ALMS1: variants seen among roughly 807,000 people sequenced by gnomAD.
The protein encoded by ALMS1 is centrosome-associated protein ALMS1.
A neutral mutation model predicts 352.2 loss-of-function variants in ALMS1; 271 were observed. The observed-to-expected ratio is 0.77, with a 90% confidence interval of 0.70 to 0.85. ALMS1 has a LOEUF of 0.85. Among genes scored for constraint, ALMS1 ranks in the 40% least tolerant of loss-of-function variants. ALMS1 has a pLI of 0.00. For synonymous variants in ALMS1, 1,865 were observed against 1,761.2 expected (o/e 1.06, Z -1.48); for missense variants, 5,445 against 4,870.7 (o/e 1.12, Z -3.51).
At position 73,455,145 on chromosome 2, in the gene ALMS1, G is replaced by A. The variant is rs758134188; in HGVS notation, c.7541-17G>A. The A allele has an allele frequency of 1.9e-6, 3 of 1,613,274 alleles. No homozygotes were observed. The highest frequency in any genetic ancestry group is 2.7e-5 in the African/African-American group (2 of 74,902). On this transcript the variant is annotated splice_polypyrimidine_tract_variant and intron_variant, in intron 8 of 22. Transcript: ENST00000613296. ...ACTTTTGCATTGTATTATCTCAAGT[G>A]TATGCTTTCTCTCCAGCCTGGAATA...
At chr2:73,392,984 T>A (rs1361438117) in intron 1 of ALMS1, among the ~76,000 whole-genome samples, 1 of 152,214 alleles carries the variant, frequency 6.6e-6, no homozygotes, top group Non-Finnish European at 1.5e-5. Context: ...CACATCCTTA[T>A]CAGCACTTGT....
intron 12 of ALMS1, among the ~76,000 whole-genome samples, chr2:73,535,704 T>G (rs941279689): frequency 3.9e-5 from 6 of 152,282 alleles, no homozygotes; most frequent in South Asian, 2.1e-4. Context: ...TAATACCCCA[T>G]GGAGGCACTA....
chr2:73,591,063 G>T (rs1675423461), intron 16 of ALMS1, among the ~76,000 whole-genome samples: 1 of 151,958 alleles, frequency 6.6e-6, no homozygotes, highest in African/African-American at 2.4e-5. Context: ...TCCCACCTAA[G>T]CCTTCTGAGT....
intron 21 of ALMS1, among the ~76,000 whole-genome samples, chr2:73,607,474 C>T (rs71416800): frequency 2.0e-5 from 3 of 152,088 alleles, no homozygotes. Context: ...AAGATCCTCT[C>T]TGCAGCCCAC....
chr2:73,444,455 G>A (rs1381233747), intron 7 of ALMS1, among the ~76,000 whole-genome samples: 1 of 152,178 alleles, frequency 6.6e-6, no homozygotes, highest in Non-Finnish European at 1.5e-5. Flanking sequence ...TGCCCACTTA[G>A]GAATGAGGAA....
At chr2:73,542,203 G>A (rs1316392002) in intron 12 of ALMS1, among the ~76,000 whole-genome samples, 1 of 152,138 alleles carries the variant, frequency 6.6e-6, no homozygotes, top group Non-Finnish European at 1.5e-5. Flanking sequence ...GGGATGCAAG[G>A]CTGGTTCAAC....
chr2:73,390,723 T>A (rs900408601), intron 1 of ALMS1, among the ~76,000 whole-genome samples: 6 of 152,216 alleles, frequency 3.9e-5, no homozygotes, highest in Admixed American at 3.9e-4. Flanking sequence ...CTAGAAATTC[T>A]TGGTCTCCAA....
chr2:73,553,661 A>T (rs1053438611), intron 13 of ALMS1, among the ~76,000 whole-genome samples: 1 of 152,236 alleles, frequency 6.6e-6, no homozygotes, highest in Non-Finnish European at 1.5e-5. Flanking sequence ...AAACAATCAT[A>T]TGTAAATACT....
intron 10 of ALMS1, among the ~76,000 whole-genome samples, chr2:73,518,263 CA>C (rs1393663552): frequency 6.6e-6 from 1 of 152,108 alleles, no homozygotes; most frequent in African/African-American, 2.4e-5. Context: ...TAATGACCTC[CA>C]GCTCCATCCA....
At chr2:73,473,887 T>C (rs1404113161) in intron 9 of ALMS1, among the ~76,000 whole-genome samples, 1 of 150,840 alleles carries the variant, frequency 6.6e-6, no homozygotes, top group East Asian at 2.0e-4. Context: ...TCCCCAAGCA[T>C]ACCAACATAT....
At chr2:73,600,977 C>A in intron 18 of ALMS1, 96 bp downstream of exon 18, 1 of 1,416,794 alleles carries the variant, frequency 7.1e-7, no homozygotes, top group South Asian at 1.3e-5. Context: ...TCTATGTGGT[C>A]CCCACCTACC....
intron 11 of ALMS1, among the ~76,000 whole-genome samples, chr2:73,529,557 G>A (rs1029481240): frequency 6.6e-6 from 1 of 152,108 alleles, no homozygotes; most frequent in Non-Finnish European, 1.5e-5. Context: ...TCCTTCTTGG[G>A]AGTGCTTTCA....
chr2:73,567,020 C>T (rs774414523), intron 15 of ALMS1, among the ~76,000 whole-genome samples: 1 of 152,206 alleles, frequency 6.6e-6, no homozygotes, highest in Non-Finnish European at 1.5e-5. Flanking sequence ...CCCAGCTTCT[C>T]CTGTGTTCAC....
chr2:73,544,080 G>A (rs574217052), intron 12 of ALMS1, among the ~76,000 whole-genome samples: 55 of 152,162 alleles, frequency 3.6e-4, no homozygotes, highest in Admixed American at 7.9e-4. Context: ...TGTTTATTGC[G>A]GCACTATTCA....
At chr2:73,548,336 C>A (rs541147868) in intron 12 of ALMS1, among the ~76,000 whole-genome samples, 2 of 152,306 alleles carry the variant, frequency 1.3e-5, no homozygotes, top group East Asian at 3.9e-4. Flanking sequence ...TATACTCGCA[C>A]ATACTATAGC....
intron 9 of ALMS1, among the ~76,000 whole-genome samples, chr2:73,467,072 G>T (rs921607120): frequency 6.6e-6 from 1 of 150,828 alleles, no homozygotes; most frequent in African/African-American, 2.4e-5. Flanking sequence ...ATCTCTTCAT[G>T]ATGTTGGGTT....
intron 2 of ALMS1, among the ~76,000 whole-genome samples, chr2:73,411,586 T>A (rs183504782): frequency 1.1e-4 from 16 of 152,306 alleles, no homozygotes; most frequent in African/African-American, 3.8e-4. Context: ...CCTAAAGCAC[T>A]TCATTTCATC....
chr2:73,538,848 C>T (rs1674092405), intron 12 of ALMS1, among the ~76,000 whole-genome samples: 1 of 152,200 alleles, frequency 6.6e-6, no homozygotes, highest in Non-Finnish European at 1.5e-5. Flanking sequence ...TGGGCGCCCT[C>T]CATTGCCGAG....
chr2:73,532,799 A>T (rs1222005558), intron 11 of ALMS1, among the ~76,000 whole-genome samples: 2 of 152,116 alleles, frequency 1.3e-5, no homozygotes, highest in Non-Finnish European at 2.9e-5. Context: ...AAGCAAAGGG[A>T]GTCTCTCCTC....
Sources: allele counts gnomAD v4.1 joint callset (sites outside exome capture counted in the v4.1 genomes callset), GRCh38; gene constraint gnomAD v4.1.1; transcripts MANE v1.5; gene names NCBI Gene and HGNC (gene_info 2026-07-23, HGNC 2026-07-21).